The following RYR3 variants were observed in gnomAD, a reference collection of about 807,000 sequenced individuals.
RYR3 encodes the protein brain ryanodine receptor-calcium release channel.
A neutral mutation model predicts 584.3 loss-of-function variants in RYR3; 207 were observed. The observed-to-expected ratio is 0.35, with a 90% CI of 0.32 to 0.40. The LOEUF (loss-of-function observed/expected upper bound fraction) is 0.40, where lower values mean the gene tolerates loss of function less well. Among genes scored for constraint, RYR3 ranks in the 10% least tolerant of loss-of-function variants. The pLI is 1.00. For synonymous variants in RYR3, 2,416 were observed against 2,248.5 expected, an observed-to-expected ratio of 1.07 and a Z score of -2.11; for missense variants, 5,616 against 6,089.2, an observed-to-expected ratio of 0.92 and a Z score of 2.59.
intron 80 of RYR3, 37 bp downstream of exon 80, chr15:33,821,639 G>A: frequency 6.3e-7 from 1 of 1,596,254 alleles, no homozygotes; most frequent in Non-Finnish European, 8.6e-7. Context: ...AGGCTCCCGG[G>A]GTATTCCCAT....
rs1440262236 is a variant in RYR3 at position 33,835,063 on chromosome 15, A to C, written c.11559A>C (p.Lys3853Asn). ...FLHVFANMQM[K>N]LSQDSSQIEL... ...ATGTCTTTGCTAATATGCAGATGAA[A>C]CTCTCTCAGGTACTGTGGCCCATTC... Residue 3853 changes from lysine to asparagine, a missense_variant, in exon 87 of 104, where the codon AAA (lysine) becomes AAC (asparagine). By Grantham distance (94) the Lys-to-Asn change is moderately conservative (BLOSUM62 0). This residue lies in a region of RYR3 where 954 missense variants were observed against 1,132.2 expected (regional missense o/e 0.84). Transcript: ENST00000634891. The C allele has an allele frequency of 6.2e-7, 1 of 1,612,532 alleles. No individual in the cohort carries two copies. The highest frequency in any genetic ancestry group is 8.5e-7 in the Non-Finnish European group (1 of 1,178,980).
chr15:33,338,191 C>G (rs985341748), intron 1 of RYR3, among the ~76,000 whole-genome samples: 2 of 151,934 alleles, frequency 1.3e-5, no homozygotes, highest in Non-Finnish European at 2.9e-5. Context: ...GTGATCTGCC[C>G]GTCTTGGCCT....
intron 38 of RYR3, among the ~76,000 whole-genome samples, chr15:33,694,466 C>A (rs559074686): frequency 6.6e-6 from 1 of 152,034 alleles, no homozygotes; most frequent in Non-Finnish European, 1.5e-5. Context: ...GGATAGTCTC[C>A]TTCTCCTGAC....
rs781221771 is a variant in RYR3, at chr15:33,646,477, T to A, written c.3892T>A (p.Ser1298Thr). 6.2e-7 allele frequency: 1 copy of A among 1,613,872 alleles called. No homozygotes were observed. Among genetic ancestry groups the A allele is most frequent in the South Asian group, 1.1e-5 (1 of 91,066 alleles). Residue 1298 changes from serine (S) to threonine (T), a missense_variant, in exon 29 of 104, where the codon TCC (serine) becomes ACC (threonine). By Grantham distance (58) the Ser-to-Thr change is moderately conservative. Transcript: ENST00000634891. ...CRLSMPVECH[S>T]SFSHSPCLDS... is the part of the protein sequence containing the mutation. ...CTTGAGCATGCCTGTCGAGTGCCAC[T>A]CCTCCTTCAGCCACAGCCCCTGTCT...
chr15:33,771,465 C>A (rs1182797646), intron 62 of RYR3, among the ~76,000 whole-genome samples: 1 of 149,608 alleles, frequency 6.7e-6, no homozygotes, highest in African/African-American at 2.5e-5. Context: ...ACCTGGGAGG[C>A]AGAGGTTGCA....
At chr15:33,674,819 A>G (rs542076142) in intron 38 of RYR3, among the ~76,000 whole-genome samples, 82 of 152,192 alleles carry the variant, frequency 5.4e-4, no homozygotes, top group African/African-American at 1.9e-3. Context: ...TGCTTCAACA[A>G]AGGCCCATGT....
At chr15:33,628,348 T>A in intron 20 of RYR3, 123 bp from the exon 21 acceptor site, 1 of 638,514 alleles carries the variant, frequency 1.6e-6, no homozygotes, top group Non-Finnish European at 2.8e-6. Context: ...TCAGGCAGCA[T>A]GAGGTCGGAT....
Position 33,861,202 on chromosome 15 carries a change from G to A in RYR3, c.14465+24G>A, listed in dbSNP as rs751972242. ...TTGTGAGTATTCTTGGTTAACAAAA[G>A]TAATGGCAGCTGTAGCGTAAATAAA... On this transcript the variant is annotated intron_variant, in intron 102 of 103. Transcript: ENST00000634891. 40 of 1,526,188 alleles carry A rather than the reference G, an allele frequency of 2.6e-5. No individual in the cohort carries two copies. The Middle Eastern group carries it at 1.8e-3, about 70-fold the overall frequency. 94.5% of individuals were successfully genotyped at this position (1,526,188 alleles called of 1,614,324 possible). A position where few individuals can be genotyped will look rare whatever the true frequency, so the allele number is the denominator to read the frequency against.
At chr15:33,391,622 TC>T (rs1264726847) in intron 1 of RYR3, among the ~76,000 whole-genome samples, 1 of 80,876 alleles carries the variant, frequency 1.2e-5, no homozygotes, top group Non-Finnish European at 2.5e-5. Flanking sequence ...CGAGACTCTG[TC>T]TCAAAAAAAA....
At position 33,482,889 on chromosome 15, in the gene RYR3, C is replaced by T. The variant is rs572069168; in HGVS notation, c.171+9351C>T. On this transcript the variant is annotated intron_variant, in intron 2 of 103. Transcript: ENST00000634891. ...ATTTTATGTGCCATATTTACTCTCT[C>T]CTGGGACTCCAACTACTTATATGTT... 1.7e-4 allele frequency among the ~76,000 whole-genome samples: 26 copies of T among 152,240 alleles called. No individual in the cohort carries two copies. In the East Asian group the frequency reaches 4.8e-3, roughly 28 times the overall value.
chr15:33,479,814 T>C (rs114000883), intron 2 of RYR3, among the ~76,000 whole-genome samples: 29 of 152,294 alleles, frequency 1.9e-4, no homozygotes, highest in African/African-American at 7.0e-4. Context: ...CTCCCACAAC[T>C]TTTCTACATC....
intron 16 of RYR3, 35 bp downstream of exon 16, chr15:33,586,151 G>C (rs759683099): frequency 8.3e-7 from 1 of 1,201,512 alleles, no homozygotes; most frequent in South Asian, 1.2e-5. Context: ...GACTTTGCCT[G>C]GTGTTTCCCT....
At chr15:33,547,795 C>T (rs1442684331) in intron 8 of RYR3, among the ~76,000 whole-genome samples, 1 of 152,156 alleles carries the variant, frequency 6.6e-6, no homozygotes, top group African/African-American at 2.4e-5. Context: ...CTGGAGCATT[C>T]TGTGTCTGCC....
At chr15:33,789,064 G>A (rs11852447) in intron 67 of RYR3, among the ~76,000 whole-genome samples, 93,226 of 151,976 alleles carry the variant, frequency 0.61, 29,702 homozygotes, top group East Asian at 0.96. Context: ...ATCTGGGGCG[G>A]GGGTGTTGCA....
chr15:33,712,240 CA>C (rs1234993122), intron 43 of RYR3, among the ~76,000 whole-genome samples: 5 of 152,174 alleles, frequency 3.3e-5, no homozygotes, highest in African/African-American at 1.2e-4. Context: ...CCCCATGATT[CA>C]AACACCTCCC....
At chr15:33,691,075 A>G (rs747873133) in intron 38 of RYR3, among the ~76,000 whole-genome samples, 50 of 152,204 alleles carry the variant, frequency 3.3e-4, no homozygotes, top group Non-Finnish European at 5.4e-4. Context: ...GCCTTTTCCA[A>G]TAATTATGGA....
intron 99 of RYR3, chr15:33,858,193 G>A: frequency 2.7e-6 from 1 of 364,426 alleles, no homozygotes. Context: ...TATTTCCGGG[G>A]TAAAGATGAG....
At chr15:33,800,998 C>G (rs762796544) in intron 68 of RYR3, 141 bp downstream of exon 68, 2 of 656,282 alleles carry the variant, frequency 3.0e-6, no homozygotes, top group Non-Finnish European at 5.5e-6. Context: ...ACCCATGACA[C>G]TGCCTCAGGA....
rs542758555 is a variant in RYR3 at position 33,490,449 on chromosome 15, G to A, written c.172-13182G>A. On this transcript the variant is annotated intron_variant, in intron 2 of 103. Coordinates refer to ENST00000634891, the MANE Select transcript of RYR3 (RefSeq NM_001036.6). The stretch of plus-strand genomic sequence containing the variant: ...GATATTTCTACTTCAAAATAGAACA[G>A]AATATCATCTCTTTGGGGTGGTTCA... Among the ~76,000 whole-genome samples the A allele has an allele frequency of 9.5e-4, 145 of 152,276 alleles. 1 individual carries two copies. The highest frequency in any genetic ancestry group is 1.8e-3 in the Non-Finnish European group (123 of 68,020).
Sources: gnomAD v4.1 joint callset for allele counts (sites outside exome capture counted in the v4.1 genomes callset) on GRCh38, gnomAD v4.1.1 for gene constraint, gnomAD v4.1.1 regional missense constraint, MANE v1.5 for transcripts, NCBI Gene and HGNC (gene_info 2026-07-23, HGNC 2026-07-21) for gene names.